LHCGR: variants seen among roughly 807,000 people sequenced by gnomAD.
The protein encoded by LHCGR is lutropin-choriogonadotropic hormone receptor.
Under a neutral mutation model 60.7 loss-of-function variants are expected in LHCGR, and 55 were observed. That is an observed-to-expected ratio of 0.91 (90% CI 0.73 to 1.13). The LOEUF (loss-of-function observed/expected upper bound fraction) is 1.13, where lower values mean the gene tolerates loss of function less well. LHCGR is among the 50% of genes most tolerant of loss of function. The pLI is 0.00. For synonymous variants in LHCGR, 337 were observed against 316.5 expected (o/e 1.06, Z -0.69); for missense variants, 862 against 836.0 (o/e 1.03, Z -0.38).
chr2:48,738,841 T>C (rs1266269442), intron 1 of LHCGR, among the ~76,000 whole-genome samples: 1 of 152,266 alleles, frequency 6.6e-6, no homozygotes, highest in Non-Finnish European at 1.5e-5. Context: ...CTAGACTAAA[T>C]TAAATGTTTT....
At chr2:48,728,599 T>C (rs779997924) in intron 3 of LHCGR, among the ~76,000 whole-genome samples, 6 of 152,182 alleles carry the variant, frequency 3.9e-5, no homozygotes, top group Non-Finnish European at 8.8e-5. Flanking sequence ...ATTGAACCAG[T>C]CTTTTCCTAT....
intron 9 of LHCGR, among the ~76,000 whole-genome samples, chr2:48,695,033 A>G (rs1292265955): frequency 6.6e-6 from 1 of 152,118 alleles, no homozygotes; most frequent in East Asian, 1.9e-4. Flanking sequence ...TTCTCTGATG[A>G]TTAGTGATGA....
chr2:48,729,389 C>T (rs1306484588), intron 2 of LHCGR, among the ~76,000 whole-genome samples, 162 bp from the exon 3 acceptor site: 2 of 152,228 alleles, frequency 1.3e-5, no homozygotes, highest in Non-Finnish European at 2.9e-5. Flanking sequence ...ACAGTGCTAA[C>T]ATCTCCCTTT....
chr2:48,751,372 T>C (rs963180245), intron 1 of LHCGR, among the ~76,000 whole-genome samples: 5 of 152,252 alleles, frequency 3.3e-5, no homozygotes, highest in African/African-American at 1.2e-4. Context: ...TCTTCCTTGC[T>C]TCTCAGCAAC....
chr2:48,687,084 A>G lies in LHCGR; in HGVS notation c.*613T>C, dbSNP rs1679929609. On this transcript the variant is annotated 3_prime_UTR_variant, in exon 11 of 11. Coordinates refer to ENST00000294954, the MANE Select transcript of LHCGR (RefSeq NM_000233.4). ...ATAGGGCATAGATAAAAGTCTCTAT[A>G]ATAGAACAGATAGAACTTTCTGTGG... 1 of 152,510 alleles carries G rather than the reference A, an allele frequency of 6.6e-6. No homozygotes were observed. Among genetic ancestry groups the G allele is most frequent in the East Asian group, 1.9e-4 (1 of 5,206 alleles). The allele number at this position is 152,510 out of a possible 1,614,324, so 9.4% of individuals were successfully genotyped here.
rs1668127310 is a variant in LHCGR at position 48,714,170 on chromosome 2, C to G, written c.537-116G>C. ...AGGTTATTACAGGCATTCATAATAT[C>G]TAGTTCTCCATCATCACCACCACCA... is the stretch of plus-strand genomic sequence containing the variant. On this transcript the variant is annotated intron_variant, in intron 6 of 10. Coordinates refer to ENST00000294954, the MANE Select transcript of LHCGR (RefSeq NM_000233.4). 12 of 736,974 alleles carry G rather than the reference C, an allele frequency of 1.6e-5. No individual in the cohort carries two copies. In the East Asian group the frequency reaches 3.2e-4, roughly 20 times the overall value. 45.7% of individuals were successfully genotyped at this position (736,974 alleles called of 1,614,324 possible). A position where few individuals can be genotyped will look rare whatever the true frequency, so the allele number is the denominator to read the frequency against.
In LHCGR at chr2:48,698,700, A is replaced by C; in HGVS notation, c.781T>G (p.Ser261Ala). 6.2e-7 allele frequency: 1 copy of C among 1,614,130 alleles called. No individual in the cohort carries two copies. The highest frequency in any genetic ancestry group is 8.5e-7 in the Non-Finnish European group (1 of 1,179,996). ...AGGAGATTGACAAATGTTTCTCTTG[A>C]TGGCAATTTTTTTAGAGAATAGGAT... ...TSSYSLKKLPSRETFVNLLEA... is the reference protein window; with the variant it reads ...TSSYSLKKLPARETFVNLLEA... The change falls in exon 9 of 11, where the codon TCA (serine) becomes GCA (alanine). Residue 261 changes from serine (S) to alanine (A), a missense_variant. Ser to Ala is a moderately conservative substitution (Grantham distance 99). Transcript: ENST00000294954.
At chr2:48,749,671 A>C (rs1257818703) in intron 1 of LHCGR, among the ~76,000 whole-genome samples, 2 of 151,910 alleles carry the variant, frequency 1.3e-5, no homozygotes, top group Non-Finnish European at 2.9e-5. Context: ...AGGTGGGCAA[A>C]AGAGCAGAAC....
chr2:48,728,063 G>A (rs761313540), intron 3 of LHCGR, among the ~76,000 whole-genome samples: 4 of 148,964 alleles, frequency 2.7e-5, no homozygotes, highest in Admixed American at 2.0e-4. Flanking sequence ...ATAGAAGTTT[G>A]TAAACTTTCT....
At chr2:48,702,585 C>T (rs1667465477) in intron 8 of LHCGR, among the ~76,000 whole-genome samples, 1 of 152,164 alleles carries the variant, frequency 6.6e-6, no homozygotes, top group African/African-American at 2.4e-5. Flanking sequence ...CTGCAAAGGA[C>T]ATGAACTTAT....
At chr2:48,752,084 T>C (rs1025324400) in intron 1 of LHCGR, among the ~76,000 whole-genome samples, 1 of 152,208 alleles carries the variant, frequency 6.6e-6, no homozygotes, top group African/African-American at 2.4e-5. Context: ...TTTCTTTCAT[T>C]TTTTCCCCAA....
chr2:48,708,591 G>A (rs1433622443), intron 8 of LHCGR, among the ~76,000 whole-genome samples: 2 of 151,784 alleles, frequency 1.3e-5, no homozygotes, highest in Non-Finnish European at 2.9e-5. Flanking sequence ...CATACACAAT[G>A]TACCATGTGA....
At chr2:48,751,294 C>G (rs1305662904) in intron 1 of LHCGR, among the ~76,000 whole-genome samples, 2 of 152,124 alleles carry the variant, frequency 1.3e-5, no homozygotes, top group African/African-American at 4.8e-5. Flanking sequence ...AATCAAAGCT[C>G]TCTAATAACT....
intron 1 of LHCGR, among the ~76,000 whole-genome samples, chr2:48,745,130 T>C (rs1470694844): frequency 6.6e-6 from 1 of 152,056 alleles, no homozygotes; most frequent in African/African-American, 2.4e-5. Context: ...GAAATGCAAA[T>C]CAAAACCACA....
intron 9 of LHCGR, among the ~76,000 whole-genome samples, chr2:48,696,535 ATG>A (rs1667122323): frequency 6.6e-6 from 1 of 152,206 alleles, no homozygotes; most frequent in African/African-American, 2.4e-5. Flanking sequence ...TAAAACATGA[ATG>A]TATAGCTCAA....
intron 2 of LHCGR, among the ~76,000 whole-genome samples, chr2:48,730,604 T>C (rs1263628090): frequency 6.6e-6 from 1 of 152,150 alleles, no homozygotes; most frequent in Non-Finnish European, 1.5e-5. Flanking sequence ...CTCAGGCTAA[T>C]ATTAAGAAAG....
At chr2:48,714,498 T>C (rs921835873) in intron 6 of LHCGR, among the ~76,000 whole-genome samples, 81 of 148,260 alleles carry the variant, frequency 5.5e-4, no homozygotes, top group Non-Finnish European at 8.2e-4. Flanking sequence ...TTTTTTTTTT[T>C]TCTTGGATGA....
chr2:48,708,444 A>G (rs1019362555), intron 8 of LHCGR, among the ~76,000 whole-genome samples: 4 of 152,196 alleles, frequency 2.6e-5, no homozygotes, highest in African/African-American at 7.2e-5. Flanking sequence ...ATTTAGAGAT[A>G]GGGTCTTTAC....
chr2:48,694,291 G>T lies in LHCGR; in HGVS notation c.880C>A (p.His294Asn). 1 of 1,598,036 alleles carries T rather than the reference G, an allele frequency of 6.3e-7. No homozygotes were observed. Among genetic ancestry groups the T allele is most frequent in the Non-Finnish European group, 8.6e-7 (1 of 1,167,766 alleles). ...NLPTKEQNFS[H>N]SISENFSKQC... is the part of the protein sequence containing the mutation. ...TTGGAAAAGTTTTCAGAAATGGAAT[G>T]TGAAAAATTCTGTCTGAAAGAGAAG... The change falls in exon 10 of 11, where the codon CAT becomes AAT. Residue 294 changes from histidine to asparagine, a missense_variant. Transcript: ENST00000294954.
Sources: gnomAD v4.1 joint callset for allele counts (sites outside exome capture counted in the v4.1 genomes callset) on GRCh38, gnomAD v4.1.1 for gene constraint, MANE v1.5 for transcripts, NCBI Gene and HGNC (gene_info 2026-07-23, HGNC 2026-07-21) for gene names.